ZNF528: variants seen among roughly 807,000 people sequenced by gnomAD.
The protein encoded by ZNF528 is zinc finger protein 528.
ZNF528 carries 9 observed loss-of-function variants against 13.3 expected under a neutral mutation model. That is an observed-to-expected ratio of 0.67 (90% CI 0.41 to 1.18). The LOEUF (loss-of-function observed/expected upper bound fraction) is 1.18. Ranked by LOEUF, ZNF528 falls within the 50% of genes most tolerant of loss-of-function variation. The pLI, the probability that ZNF528 is intolerant of heterozygous loss-of-function variation, is 0.01. For synonymous variants in ZNF528, 264 were observed against 254.3 expected (o/e 1.04, Z -0.36); for missense variants, 858 against 745.4 (o/e 1.15, Z -1.76).
intron 4 of ZNF528, among the ~76,000 whole-genome samples, chr19:52,402,756 T>C (rs1270277036): frequency 6.6e-6 from 1 of 152,238 alleles, no homozygotes; most frequent in Non-Finnish European, 1.5e-5. Flanking sequence ...TTGCCCTTAA[T>C]ATGTTAAATT....
At chr19:52,402,908 A>G (rs1310757665) in intron 4 of ZNF528, among the ~76,000 whole-genome samples, 1 of 152,232 alleles carries the variant, frequency 6.6e-6, no homozygotes, top group African/African-American at 2.4e-5. Flanking sequence ...ATGTGTGCCT[A>G]TAATTCTAGC....
At chr19:52,406,471 TG>T (rs1182768684) in intron 5 of ZNF528, 43 bp from the exon 6 acceptor site, 3 of 1,597,424 alleles carry the variant, frequency 1.9e-6, no homozygotes, top group Non-Finnish European at 2.6e-6. Context: ...GGCTTGGACT[TG>T]GGAGATGCCA....
Position 52,406,249 on chromosome 19 carries a change from G to T in ZNF528, c.142+216G>T, listed in dbSNP as rs375475150. On this transcript the variant is annotated intron_variant, in intron 5 of 6. Coordinates refer to ENST00000360465, the MANE Select transcript of ZNF528 (RefSeq NM_032423.3). ...ATTCATGATTGGTGGCACCAGGGCC[G>T]AAGTATGCAGGAAACCTTATGACAA... 1.1e-4 allele frequency among the ~76,000 whole-genome samples: 17 copies of T among 152,292 alleles called. No individual in the cohort carries two copies. The East Asian group carries it at 2.7e-3, about 24-fold the overall frequency.
chr19:52,405,574 C>T (rs1240501648), intron 4 of ZNF528, among the ~76,000 whole-genome samples: 3 of 152,112 alleles, frequency 2.0e-5, no homozygotes, highest in Non-Finnish European at 4.4e-5. Flanking sequence ...TCTCTGAAGA[C>T]ACCACTTGAA....
At chr19:52,408,808 C>G (rs1039731192) in intron 6 of ZNF528, among the ~76,000 whole-genome samples, 1 of 152,128 alleles carries the variant, frequency 6.6e-6, no homozygotes, top group African/African-American at 2.4e-5. Context: ...CTCAGGTGAT[C>G]CACCCACCTC....
chr19:52,398,506 C>A lies in ZNF528; in HGVS notation c.-250C>A. Reference sequence around the variant, plus strand: ...CCGGAAGTGGGCATCTTATTCCAATCCCCTCCCTGTGAATGTGTGGAGAAA... The same window carrying A: ...CCGGAAGTGGGCATCTTATTCCAATACCCTCCCTGTGAATGTGTGGAGAAA... On this transcript the variant is annotated 5_prime_UTR_variant, in exon 2 of 7. Coordinates refer to ENST00000360465, the MANE Select transcript of ZNF528 (RefSeq NM_032423.3). The A allele has an allele frequency of 1.1e-6, 1 of 908,502 alleles. No individual in the cohort carries two copies. Among genetic ancestry groups the A allele is most frequent in the Non-Finnish European group, 1.3e-6 (1 of 759,602 alleles). The allele number at this position is 908,502 out of a possible 1,614,324, so 56.3% of individuals were successfully genotyped here.
chr19:52,415,027 A>G (rs758138567), intron 6 of ZNF528, 97 bp from the exon 7 acceptor site: 10 of 1,581,736 alleles, frequency 6.3e-6, no homozygotes, highest in African/African-American at 1.3e-5. Flanking sequence ...ACTCCTACCA[A>G]TGTCTGAGTC....
At chr19:52,414,503 T>G (rs1372914925) in intron 6 of ZNF528, 1 of 576,576 alleles carries the variant, frequency 1.7e-6, no homozygotes, top group African/African-American at 1.9e-5. Context: ...GCGGCTTGAT[T>G]TACAACAGGT....
rs1321199084 is a variant in ZNF528, at chr19:52,417,168, T to C, written c.*429T>C. 8.0e-6 allele frequency: 2 copies of C among 251,050 alleles called. No individual in the cohort carries two copies. The highest frequency in any genetic ancestry group is 5.0e-5 in the Admixed American group (1 of 20,066). The allele number at this position is 251,050 out of a possible 1,614,324, so 15.6% of individuals were successfully genotyped here. A position where few individuals can be genotyped will look rare whatever the true frequency, so the allele number is the denominator to read the frequency against. The stretch of plus-strand genomic sequence containing the variant: ...TTGGGGCTTATAGAAAAGGCTACTT[T>C]ACTCTTTGTGACTTCGAAATCTTTT... On this transcript the variant is annotated 3_prime_UTR_variant, in exon 7 of 7. Coordinates refer to ENST00000360465, the MANE Select transcript of ZNF528 (RefSeq NM_032423.3).
At position 52,416,252 on chromosome 19, in the gene ZNF528, G is replaced by A. The variant is rs769653548; in HGVS notation, c.1400G>A (p.Cys467Tyr). The A allele has an allele frequency of 2.5e-6, 4 of 1,614,042 alleles. No homozygotes were observed. The highest frequency in any genetic ancestry group is 4.5e-5 in the East Asian group (2 of 44,866). ...LIHSGEKPYE[C>Y]KECGKVFRYK... ...CATAGTGGAGAGAAACCTTATGAAT[G>A]TAAAGAATGTGGCAAAGTCTTCAGG... Residue 467 changes from cysteine to tyrosine, a missense_variant, in exon 7 of 7, where the codon TGT becomes TAT. Cys to Tyr is a radical substitution (Grantham distance 194). Transcript: ENST00000360465.
intron 4 of ZNF528, chr19:52,402,489 G>A (rs1336572641): frequency 4.8e-5 from 8 of 167,312 alleles, no homozygotes; most frequent in Admixed American, 2.5e-4. Context: ...TGCAACCTCC[G>A]CCTCCCTGAT....
chr19:52,401,830 T>C (rs2058798464), intron 3 of ZNF528, 77 bp downstream of exon 3: 1 of 1,525,690 alleles, frequency 6.6e-7, no homozygotes, highest in Admixed American at 2.1e-5. Context: ...CAGACCTATG[T>C]AGAAAGTCAA....
chr19:52,398,637 A>G lies in ZNF528; in HGVS notation c.-137+18A>G. The G allele has an allele frequency of 1.0e-6, 1 of 984,664 alleles. No individual in the cohort carries two copies. The highest frequency in any genetic ancestry group is 1.2e-6 in the Non-Finnish European group (1 of 829,190). The allele number at this position is 984,664 out of a possible 1,614,324, so 61.0% of individuals were successfully genotyped here. Reference sequence around the variant, plus strand: ...AGTAGAAGGTGAGTGAGGGGTTTGCAGAGGCACAGTGAAAGAAGGTGCCGA... The same window carrying G: ...AGTAGAAGGTGAGTGAGGGGTTTGCGGAGGCACAGTGAAAGAAGGTGCCGA... On this transcript the variant is annotated intron_variant, in intron 2 of 6. Transcript: ENST00000360465.
Position 52,416,174 on chromosome 19 carries a change from A to T in ZNF528, c.1322A>T (p.Lys441Ile). The T allele has an allele frequency of 6.2e-7, 1 of 1,614,016 alleles. No homozygotes were observed. Among genetic ancestry groups the T allele is most frequent in the African/African-American group, 1.3e-5 (1 of 75,044 alleles). The change falls in exon 7 of 7, where the codon AAA (lysine) becomes ATA (isoleucine). Residue 441 changes from lysine (K) to isoleucine (I), a missense_variant. Lys to Ile is a moderately radical substitution (Grantham distance 102). Transcript: ENST00000360465. ...GATGAGAAGCCTTACAAATGTAATA[A>T]ATGTGGCACAGCGTTTAGAGAGTTT... ...HTDEKPYKCN[K>I]CGTAFREFSD...
chr19:52,402,136 T>A (rs1165563225), intron 4 of ZNF528, 108 bp downstream of exon 4: 1 of 1,516,146 alleles, frequency 6.6e-7, no homozygotes, highest in Non-Finnish European at 9.1e-7. Flanking sequence ...ACACGTTTGC[T>A]TGCACTTACC....
chr19:52,401,986 T>A lies in ZNF528; in HGVS notation c.-28T>A. 6.2e-7 allele frequency: 1 copy of A among 1,614,056 alleles called. No homozygotes were observed. The highest frequency in any genetic ancestry group is 8.5e-7 in the Non-Finnish European group (1 of 1,180,008). On this transcript the variant is annotated 5_prime_UTR_variant, in exon 4 of 7. In the 5' UTR this introduces an upstream ATG that the reference lacks. Coordinates refer to ENST00000360465, the MANE Select transcript of ZNF528 (RefSeq NM_032423.3). ...GAGACATATTATGCAAGGAAGCAAC[T>A]TGGAAGAGGAAAGAAAAGAAGTCAG...
chr19:52,406,252 G>A (rs556326049), intron 5 of ZNF528, among the ~76,000 whole-genome samples: 8 of 152,296 alleles, frequency 5.3e-5, no homozygotes, highest in African/African-American at 1.4e-4. Context: ...CAGGGCCGAA[G>A]TATGCAGGAA....
intron 6 of ZNF528, chr19:52,408,163 T>C (rs1014849618): frequency 6.6e-6 from 1 of 152,058 alleles, no homozygotes; most frequent in African/African-American, 2.4e-5. Flanking sequence ...ATGTTTATAA[T>C]GCTTTTTAAA....
intron 6 of ZNF528, among the ~76,000 whole-genome samples, chr19:52,410,905 A>G (rs2058922994): frequency 6.6e-6 from 1 of 152,174 alleles, no homozygotes. Flanking sequence ...ATCTCCTAGT[A>G]TTTGTTGAAA....
Sources: gnomAD v4.1 joint callset for allele counts (sites outside exome capture counted in the v4.1 genomes callset) on GRCh38, gnomAD v4.1.1 for gene constraint, MANE v1.5 for transcripts, NCBI Gene and HGNC (gene_info 2026-07-23, HGNC 2026-07-21) for gene names.